Variants in DNAH8 observed in about 807,000 individuals in gnomAD.
DNAH8 encodes the protein axonemal beta dynein heavy chain 8.
In DNAH8, 382 loss-of-function variants were observed where a neutral mutation model predicts 562.1. The observed-to-expected ratio is 0.68, with a 90% confidence interval of 0.63 to 0.74. DNAH8 has a LOEUF of 0.74. Among genes scored for constraint, DNAH8 ranks in the 30% least tolerant of loss-of-function variants. The pLI is 0.00. For synonymous variants in DNAH8, 1,881 were observed against 1,919.4 expected (o/e 0.98, Z 0.52); for missense variants, 5,203 against 5,620.4 (o/e 0.93, Z 2.37).
chr6:38,942,740 A>G (rs1463482077), intron 79 of DNAH8, among the ~76,000 whole-genome samples: 1 of 152,148 alleles, frequency 6.6e-6, no homozygotes, highest in Admixed American at 6.5e-5. Context: ...CAGTACAGGG[A>G]CCTAGCCTGC....
intron 23 of DNAH8, among the ~76,000 whole-genome samples, chr6:38,807,344 A>G (rs948951095): frequency 2.6e-5 from 4 of 152,336 alleles, no homozygotes; most frequent in South Asian, 2.1e-4. Context: ...TACTCTGAAC[A>G]TACTGTTTGT....
intron 20 of DNAH8, 33 bp from the exon 21 acceptor site, chr6:38,791,522 A>G: frequency 2.5e-6 from 4 of 1,584,612 alleles, no homozygotes; most frequent in Non-Finnish European, 3.4e-6. Flanking sequence ...AGGAAAGAAG[A>G]GTTTTTTTTT....
chr6:38,828,367 G>A (rs1773549310), intron 30 of DNAH8, 79 bp downstream of exon 30: 1 of 765,988 alleles, frequency 1.3e-6, no homozygotes, highest in Admixed American at 3.1e-5. Flanking sequence ...CCTTTTTAAA[G>A]CTTAATATAC....
chr6:38,735,836 G>A (rs1764041877), intron 5 of DNAH8, among the ~76,000 whole-genome samples: 2 of 151,962 alleles, frequency 1.3e-5, no homozygotes, highest in Admixed American at 1.3e-4. Context: ...TGCTCCTTTT[G>A]TCAGTTTAGA....
intron 85 of DNAH8, among the ~76,000 whole-genome samples, chr6:38,978,505 T>A (rs568768780): frequency 2.0e-5 from 3 of 152,372 alleles, no homozygotes; most frequent in South Asian, 4.1e-4. Flanking sequence ...TACTGGTTTA[T>A]CTTTTACACT....
At chr6:38,935,861 G>A (rs558487534) in intron 77 of DNAH8, among the ~76,000 whole-genome samples, 164 bp downstream of exon 77, 3 of 152,294 alleles carry the variant, frequency 2.0e-5, no homozygotes, top group South Asian at 2.1e-4. Flanking sequence ...GGACGGCAGA[G>A]AATCTGATTT....
In DNAH8 at chr6:38,791,784, T is replaced by TG. The variant is rs1313657087; in HGVS notation, c.2901+110_2901+111insG. The stretch of plus-strand genomic sequence containing the variant: ...CTGGGTCAGTAGCATTTAGACTTTT[T>TG]TTTTTTGTTTTTTGTGAACATTCTC... On this transcript the variant is annotated intron_variant, in intron 21 of 92. Coordinates refer to ENST00000327475, the MANE Select transcript of DNAH8 (RefSeq NM_001206927.2). 7.0e-6 allele frequency: 8 copies of TG among 1,148,180 alleles called. No individual in the cohort carries two copies. In the Admixed American group the frequency reaches 1.7e-4, roughly 24 times the overall value. 71.1% of individuals were successfully genotyped at this position (1,148,180 alleles called of 1,614,324 possible).
intron 88 of DNAH8, among the ~76,000 whole-genome samples, chr6:39,005,201 C>T (rs1765726264): frequency 6.6e-6 from 1 of 152,166 alleles, no homozygotes; most frequent in African/African-American, 2.4e-5. Flanking sequence ...TGCCTGAGCT[C>T]AGGAGTTCAA....
chr6:38,990,373 A>G (rs867529391), intron 88 of DNAH8, among the ~76,000 whole-genome samples: 2 of 152,162 alleles, frequency 1.3e-5, no homozygotes, highest in South Asian at 4.1e-4. Flanking sequence ...CTGATGCTCC[A>G]GTGTTTATGA....
chr6:38,798,301 T>G (rs1285871769), intron 21 of DNAH8, among the ~76,000 whole-genome samples: 2 of 152,232 alleles, frequency 1.3e-5, no homozygotes, highest in Non-Finnish European at 2.9e-5. Context: ...GAATGTGGAT[T>G]ATATCTTAAT....
intron 4 of DNAH8, 146 bp from the exon 5 acceptor site, chr6:38,734,328 C>CT: frequency 1.7e-6 from 1 of 597,540 alleles, no homozygotes. Flanking sequence ...TCTAGTAGAC[C>CT]CCCCCCCAAA....
intron 21 of DNAH8, among the ~76,000 whole-genome samples, chr6:38,800,479 T>C (rs1475097507): frequency 2.6e-5 from 4 of 152,190 alleles, no homozygotes; most frequent in African/African-American, 9.6e-5. Context: ...TTGACAAATG[T>C]TTCCCTATTA....
rs1406573835 is a variant in DNAH8 at position 38,845,691 on chromosome 6, C to T, written c.4963C>T (p.Leu1655=). 3 of 1,613,836 alleles carry T rather than the reference C, an allele frequency of 1.9e-6. No individual in the cohort carries two copies. The Admixed American group carries it at 5.0e-5, about 27-fold the overall frequency. ...FAAFKGKGEL[L]LKGTESGEII... ...AGCATTTAAGGGAAAAGGAGAGCTCCTGCTCAAAGGAACCGAATCGGGAGA... is the reference window on the plus strand; with the variant it reads ...AGCATTTAAGGGAAAAGGAGAGCTCTTGCTCAAAGGAACCGAATCGGGAGA... Residue 1655 remains leucine, a synonymous_variant, in exon 36 of 93, where the codon CTG becomes TTG. Coordinates refer to ENST00000327475, the MANE Select transcript of DNAH8 (RefSeq NM_001206927.2).
chr6:39,025,577 C>G (rs561902986), intron 91 of DNAH8, among the ~76,000 whole-genome samples: 1 of 152,192 alleles, frequency 6.6e-6, no homozygotes, highest in Admixed American at 6.5e-5. Flanking sequence ...CAAGGGATCT[C>G]GACTCAGTGC....
chr6:38,903,703 C>T, intron 62 of DNAH8, among the ~76,000 whole-genome samples: 1 of 150,694 alleles, frequency 6.6e-6, no homozygotes, highest in Middle Eastern at 3.2e-3. Flanking sequence ...ACCTCCACCT[C>T]CCGGGTTCAA....
intron 24 of DNAH8, among the ~76,000 whole-genome samples, chr6:38,809,156 C>G (rs1441630151): frequency 6.7e-6 from 1 of 149,838 alleles, no homozygotes; most frequent in Non-Finnish European, 1.5e-5. Context: ...TGGATTAATT[C>G]ATAAGTATTC....
At chr6:38,879,495 T>C (rs917941556) in intron 53 of DNAH8, among the ~76,000 whole-genome samples, 1 of 152,218 alleles carries the variant, frequency 6.6e-6, no homozygotes, top group Non-Finnish European at 1.5e-5. Context: ...TAAACAGTCA[T>C]CTAAATGAAT....
intron 85 of DNAH8, among the ~76,000 whole-genome samples, chr6:38,977,027 A>G (rs1763719202): frequency 6.6e-6 from 1 of 152,206 alleles, no homozygotes. Flanking sequence ...GGGTGGCATT[A>G]TGCCATCAGC....
At chr6:38,895,159 G>A (rs1779594879) in intron 59 of DNAH8, among the ~76,000 whole-genome samples, 2 of 152,036 alleles carry the variant, frequency 1.3e-5, no homozygotes, top group South Asian at 2.1e-4. Context: ...GGCTGGTCTT[G>A]AACTCCTGAC....
Sources: allele counts gnomAD v4.1 joint callset (sites outside exome capture counted in the v4.1 genomes callset), GRCh38; gene constraint gnomAD v4.1.1; transcripts MANE v1.5; gene names NCBI Gene and HGNC (gene_info 2026-07-23, HGNC 2026-07-21).